The following OSTF1 variants were observed in gnomAD, a reference collection of about 807,000 sequenced individuals.
OSTF1 encodes osteoclast-stimulating factor 1.
OSTF1 carries 27 observed loss-of-function variants against 37.2 expected under a neutral mutation model. The ratio of observed to expected loss-of-function variants is 0.73; its 90% CI spans 0.54 to 1.00. The LOEUF (loss-of-function observed/expected upper bound fraction) is 1.00. Among genes scored for constraint, OSTF1 ranks in the 50% least tolerant of loss-of-function variants. OSTF1 has a pLI of 0.00. For missense variants in OSTF1, 232 were observed against 253.8 expected (o/e 0.91, Z 0.58); for synonymous variants, 82 against 89.2 (o/e 0.92, Z 0.46).
At chr9:75,141,312 CAAAAAAAAAAAAA>C (rs529293090) in intron 9 of OSTF1, among the ~76,000 whole-genome samples, 6 of 71,680 alleles carry the variant, frequency 8.4e-5, no homozygotes, top group East Asian at 5.3e-4. Flanking sequence ...AAAAGAAAAC[CAAAAAAAAAAAAA>C]AAAAAAAAAA....
chr9:75,115,785 A>G lies in OSTF1; in HGVS notation c.35-1719A>G, dbSNP rs1825478567. ...TACAGATTCAACCAACTGTGAATCA[A>G]ATATATTCAGGAAAAATACTAAAAA... On this transcript the variant is annotated intron_variant, in intron 1 of 9. Coordinates refer to ENST00000346234, the MANE Select transcript of OSTF1 (RefSeq NM_012383.5). 2.0e-5 allele frequency among the ~76,000 whole-genome samples: 3 copies of G among 152,210 alleles called. No individual in the cohort carries two copies. The South Asian group carries it at 6.2e-4, about 32-fold the overall frequency.
chr9:75,110,911 G>A (rs1825375224), intron 1 of OSTF1, among the ~76,000 whole-genome samples: 2 of 151,718 alleles, frequency 1.3e-5, no homozygotes, highest in South Asian at 4.2e-4. Flanking sequence ...GTAGAGCTGG[G>A]GTCTCATTGT....
At chr9:75,108,312 G>A (rs1222280173) in intron 1 of OSTF1, among the ~76,000 whole-genome samples, 1 of 149,862 alleles carries the variant, frequency 6.7e-6, no homozygotes, top group Non-Finnish European at 1.5e-5. Context: ...TTCTCTAAAT[G>A]TAACAGTTAC....
At chr9:75,110,719 T>C (rs989862198) in intron 1 of OSTF1, among the ~76,000 whole-genome samples, 2 of 151,976 alleles carry the variant, frequency 1.3e-5, no homozygotes, top group Admixed American at 1.3e-4. Context: ...TTCTTTCTTT[T>C]TTTTTTTTTG....
chr9:75,088,600 A>T lies in OSTF1; in HGVS notation c.-93A>T. On this transcript the variant is annotated 5_prime_UTR_variant, in exon 1 of 10. Coordinates refer to ENST00000346234, the MANE Select transcript of OSTF1 (RefSeq NM_012383.5). ...TAGGAGGCGCACGGTTGTAAGCCAG[A>T]CAAAAAGAACTGGGGTGCCCGGAGT... 1 of 1,374,670 alleles carries T rather than the reference A, an allele frequency of 7.3e-7. No individual in the cohort carries two copies. The highest frequency in any genetic ancestry group is 1.2e-5 in the South Asian group (1 of 81,184). 85.2% of individuals were successfully genotyped at this position (1,374,670 alleles called of 1,614,324 possible).
intron 1 of OSTF1, among the ~76,000 whole-genome samples, chr9:75,097,867 T>C (rs1825116187): frequency 6.6e-6 from 1 of 151,696 alleles, no homozygotes; most frequent in African/African-American, 2.4e-5. Flanking sequence ...TTTTTTTTTT[T>C]TCTCTTTGAG....
chr9:75,136,852 T>C (rs1415488394), intron 7 of OSTF1, among the ~76,000 whole-genome samples: 2 of 152,122 alleles, frequency 1.3e-5, no homozygotes, highest in African/African-American at 4.8e-5. Flanking sequence ...TCCCTGCACA[T>C]GGGGCTGCAC....
chr9:75,137,752 T>C, intron 8 of OSTF1, 136 bp downstream of exon 8: 1 of 622,656 alleles, frequency 1.6e-6, no homozygotes. Context: ...TGCCTGTGTA[T>C]CATGGAATAG....
chr9:75,099,575 C>T (rs1825153158), intron 1 of OSTF1, among the ~76,000 whole-genome samples: 1 of 152,152 alleles, frequency 6.6e-6, no homozygotes. Flanking sequence ...CGCCTGTAAT[C>T]CCAGCACTTT....
chr9:75,132,055 A>G (rs182006432), intron 5 of OSTF1, among the ~76,000 whole-genome samples: 6 of 152,370 alleles, frequency 3.9e-5, no homozygotes, highest in Admixed American at 1.3e-4. Context: ...ATGTCAGTCA[A>G]GAAACACTGT....
At chr9:75,132,776 A>AT (rs1453037496) in intron 5 of OSTF1, among the ~76,000 whole-genome samples, 1 of 152,224 alleles carries the variant, frequency 6.6e-6, no homozygotes, top group Non-Finnish European at 1.5e-5. Flanking sequence ...TAGCCTGAGG[A>AT]TTTTAAATTA....
At chr9:75,125,366 T>C (rs1825645620) in intron 2 of OSTF1, among the ~76,000 whole-genome samples, 1 of 152,210 alleles carries the variant, frequency 6.6e-6, no homozygotes, top group Non-Finnish European at 1.5e-5. Flanking sequence ...CTATCACATA[T>C]TGGTAGTAAT....
chr9:75,117,055 GAT>G, intron 1 of OSTF1, among the ~76,000 whole-genome samples: 1 of 152,066 alleles, frequency 6.6e-6, no homozygotes, highest in East Asian at 1.9e-4. Flanking sequence ...GATATATAAT[GAT>G]ATGTTTTTAA....
intron 9 of OSTF1, among the ~76,000 whole-genome samples, chr9:75,144,453 G>A (rs1031736688): frequency 6.6e-6 from 1 of 152,166 alleles, no homozygotes; most frequent in Non-Finnish European, 1.5e-5. Context: ...TTGGGAGGCT[G>A]AGGTGGGAGG....
chr9:75,106,649 A>G (rs1825289495), intron 1 of OSTF1, among the ~76,000 whole-genome samples: 1 of 145,828 alleles, frequency 6.9e-6, no homozygotes, highest in African/African-American at 2.6e-5. Context: ...CCATCTCGAA[A>G]AAAAAAAAAA....
intron 2 of OSTF1, among the ~76,000 whole-genome samples, chr9:75,122,989 A>G (rs1825604272): frequency 6.6e-6 from 1 of 152,216 alleles, no homozygotes; most frequent in African/African-American, 2.4e-5. Flanking sequence ...TGGGAATTAT[A>G]TGTTACCAAG....
intron 1 of OSTF1, among the ~76,000 whole-genome samples, chr9:75,089,573 T>G (rs1026071079): frequency 1.3e-5 from 2 of 152,204 alleles, no homozygotes; most frequent in Non-Finnish European, 2.9e-5. Context: ...TTCATTTGGG[T>G]AGGTAATTAG....
At chr9:75,145,177 A>ATCTATCTATCTAATCT (rs10701570) in intron 9 of OSTF1, among the ~76,000 whole-genome samples, 8,491 of 149,010 alleles carry the variant, frequency 0.057, 262 homozygotes, top group Admixed American at 0.073. Flanking sequence ...CTATCTATCT[A>ATCTATCTATCTAATCT]ATCTATCTAT....
At chr9:75,111,811 CTTTTTTTTTTTTTT>C (rs535464490) in intron 1 of OSTF1, among the ~76,000 whole-genome samples, 27 of 52,158 alleles carry the variant, frequency 5.2e-4, no homozygotes, top group East Asian at 2.0e-3. Context: ...ATGTTTACTG[CTTTTTTTTTTTTTT>C]TTTTTTTTTT....
Sources: gnomAD v4.1 joint callset for allele counts (sites outside exome capture counted in the v4.1 genomes callset) on GRCh38, gnomAD v4.1.1 for gene constraint, MANE v1.5 for transcripts, NCBI Gene and HGNC (gene_info 2026-07-23, HGNC 2026-07-21) for gene names.